The following ADCY7 variants were observed in gnomAD, a reference collection of about 807,000 sequenced individuals.
ADCY7 encodes the protein adenylate cyclase type 7.
A neutral mutation model predicts 120.6 loss-of-function variants in ADCY7; 72 were observed. The observed-to-expected ratio is 0.60, with a 90% CI of 0.49 to 0.73. The LOEUF is 0.73. Ranked by LOEUF, ADCY7 falls within the 30% of genes least tolerant of loss-of-function variation. ADCY7 has a pLI of 0.00. For missense variants in ADCY7, 1,227 were observed against 1,486.0 expected, an observed-to-expected ratio of 0.83 and a Z score of 2.87; for synonymous variants, 661 against 628.0, an observed-to-expected ratio of 1.05 and a Z score of -0.78.
chr16:50,273,496 T>G (rs1035269306), intron 1 of ADCY7, among the ~76,000 whole-genome samples: 2 of 152,232 alleles, frequency 1.3e-5, no homozygotes, highest in Admixed American at 1.3e-4. Flanking sequence ...CTGCACCTGC[T>G]GCAGGCAGGA....
chr16:50,315,661 A>C lies in ADCY7; in HGVS notation c.*156A>C. 1 of 911,884 alleles carries C rather than the reference A, an allele frequency of 1.1e-6. No homozygotes were observed. Among genetic ancestry groups the C allele is most frequent in the Non-Finnish European group, 1.6e-6 (1 of 622,206 alleles). The allele number at this position is 911,884 out of a possible 1,614,324, so 56.5% of individuals were successfully genotyped here. ...CTGCACTGGAGGATTTCTCAGACAC[A>C]TGCACCAGATTCTGGCTCGAAGCAG... On this transcript the variant is annotated 3_prime_UTR_variant, in exon 26 of 26. Coordinates refer to ENST00000673801, the MANE Select transcript of ADCY7 (RefSeq NM_001114.5).
chr16:50,298,176 C>G (rs1002141741), intron 7 of ADCY7, among the ~76,000 whole-genome samples: 4 of 152,074 alleles, frequency 2.6e-5, no homozygotes, highest in Non-Finnish European at 5.9e-5. Flanking sequence ...ACAGCCACTG[C>G]TTGGGTGACC....
At chr16:50,314,540 G>A in intron 24 of ADCY7, 134 bp downstream of exon 24, 1 of 641,360 alleles carries the variant, frequency 1.6e-6, no homozygotes, top group Non-Finnish European at 2.7e-6. Context: ...AAGCTCAGCA[G>A]TTGGACAATT....
chr16:50,291,724 C>T lies in ADCY7; in HGVS notation c.376-12C>T. On this transcript the variant is annotated splice_polypyrimidine_tract_variant and intron_variant, in intron 3 of 25. Transcript: ENST00000673801. ...ATCTTGGGGCACCGGGCTCACCAGG[C>T]TGCATCCACAGGTGCCCTTCTTCCT... 1 of 1,613,950 alleles carries T rather than the reference C, an allele frequency of 6.2e-7. No homozygotes were observed. Among genetic ancestry groups the T allele is most frequent in the Non-Finnish European group, 8.5e-7 (1 of 1,179,970 alleles).
intron 1 of ADCY7, among the ~76,000 whole-genome samples, chr16:50,286,874 G>A (rs779208900): frequency 5.3e-5 from 8 of 152,190 alleles, no homozygotes; most frequent in African/African-American, 7.2e-5. Flanking sequence ...AGAGTGAATC[G>A]AAATGGATCA....
intron 12 of ADCY7, 86 bp downstream of exon 12, chr16:50,305,045 G>T: frequency 6.5e-7 from 1 of 1,529,422 alleles, no homozygotes; most frequent in Non-Finnish European, 9.0e-7. Context: ...CCAGTGGGCA[G>T]CTCCGCAAGG....
intron 11 of ADCY7, among the ~76,000 whole-genome samples, 165 bp downstream of exon 11, chr16:50,304,716 T>C (rs1175459714): frequency 6.6e-6 from 1 of 152,188 alleles, no homozygotes; most frequent in African/African-American, 2.4e-5. Context: ...CAAAGACATT[T>C]GGAGAATACT....
At chr16:50,266,956 C>T (rs940624253) in intron 1 of ADCY7, among the ~76,000 whole-genome samples, 3 of 152,150 alleles carry the variant, frequency 2.0e-5, no homozygotes, top group African/African-American at 7.2e-5. Flanking sequence ...GTACATGTGG[C>T]CCGTTCCATC....
At chr16:50,265,212 T>G (rs140850040), upstream of ADCY7, among the ~76,000 whole-genome samples, 237 of 152,332 alleles carry the variant, frequency 1.6e-3, no homozygotes, top group African/African-American at 5.2e-3. Flanking sequence ...AGTCAGTGGC[T>G]TGTCTTTCCC....
Position 50,292,711 on chromosome 16 carries a change from C to A in ADCY7, c.573C>A (p.Asn191Lys). The A allele has an allele frequency of 6.2e-7, 1 of 1,613,986 alleles. No homozygotes were observed. Among genetic ancestry groups the A allele is most frequent in the South Asian group, 1.1e-5 (1 of 91,078 alleles). ...ACGCAGTCATCTTCCTGTGTGGGAA[C>A]CTGACAGGCGCCTTCCACAAGCACC... ...LANAVIFLCG[N>K]LTGAFHKHQM... The change falls in exon 5 of 26, where the codon AAC (asparagine) becomes AAA (lysine). Residue 191 changes from asparagine (N) to lysine (K), a missense_variant. Transcript: ENST00000673801.
At chr16:50,262,762 C>A (rs1232613193), upstream of ADCY7, among the ~76,000 whole-genome samples, 2 of 152,228 alleles carry the variant, frequency 1.3e-5, no homozygotes, top group Non-Finnish European at 2.9e-5. Flanking sequence ...ATGGGGGTTG[C>A]TGAGAGGGAC....
intron 14 of ADCY7, among the ~76,000 whole-genome samples, chr16:50,306,573 T>TG (rs546289664): frequency 0.045 from 873 of 19,558 alleles, 5 homozygotes; most frequent in Middle Eastern, 0.11. Flanking sequence ...TGGGTGGGAG[T>TG]GGGGGTGGGG....
intron 10 of ADCY7, chr16:50,302,049 C>G (rs888468920): frequency 6.5e-6 from 1 of 152,964 alleles, no homozygotes; most frequent in African/African-American, 2.4e-5. Flanking sequence ...TTCCACCACC[C>G]TCCTAGAATA....
chr16:50,294,627 G>C lies in ADCY7; in HGVS notation c.837-13G>C. On this transcript the variant is annotated splice_polypyrimidine_tract_variant and intron_variant, in intron 6 of 25. Transcript: ENST00000673801. ...TGGCTCTGACACTCCCTCCCACCCT[G>C]CCCCATCCCCAGCATCCTCTATGCG... is the stretch of plus-strand genomic sequence containing the variant. 1.6e-5 allele frequency: 20 copies of C among 1,287,346 alleles called. No homozygotes were observed. Among genetic ancestry groups the C allele is most frequent in the Non-Finnish European group, 2.0e-5 (18 of 891,650 alleles). The allele number at this position is 1,287,346 out of a possible 1,614,324, so 79.7% of individuals were successfully genotyped here.
intron 10 of ADCY7, chr16:50,302,018 C>G (rs1183705466): frequency 6.5e-6 from 1 of 152,778 alleles, no homozygotes; most frequent in African/African-American, 2.4e-5. Context: ...TGGGAAAACC[C>G]CTGCCGGTAC....
chr16:50,294,818 C>A, intron 7 of ADCY7, 67 bp downstream of exon 7: 1 of 1,139,258 alleles, frequency 8.8e-7, no homozygotes, highest in Non-Finnish European at 1.3e-6. Flanking sequence ...CCAGGGGTGT[C>A]CTGTGTTCAG....
intron 2 of ADCY7, chr16:50,289,299 G>A (rs2034791428): frequency 2.3e-6 from 1 of 439,774 alleles, no homozygotes. Flanking sequence ...GCCTCCCAAA[G>A]TGTTGGGATT....
At chr16:50,265,103 C>T (rs2033162975), upstream of ADCY7, among the ~76,000 whole-genome samples, 1 of 152,170 alleles carries the variant, frequency 6.6e-6, no homozygotes, top group Non-Finnish European at 1.5e-5. Flanking sequence ...TCCCAAAGTG[C>T]TGGGATTACA....
In ADCY7 at chr16:50,304,918, C is replaced by G. The variant is rs1231032415; in HGVS notation, c.1561-7C>G. ...ATGACTGTATCCTTTCCTCCCTTCC[C>G]TTTCAGAGCGTTCCCCAGCGCCACC... is the stretch of plus-strand genomic sequence containing the variant. On this transcript the variant is annotated splice_region_variant and splice_polypyrimidine_tract_variant and intron_variant, in intron 11 of 25. Coordinates refer to ENST00000673801, the MANE Select transcript of ADCY7 (RefSeq NM_001114.5). 2.5e-6 allele frequency: 4 copies of G among 1,613,596 alleles called. No individual in the cohort carries two copies. The East Asian group carries it at 8.9e-5, about 36-fold the overall frequency.
Sources: gnomAD v4.1 joint callset for allele counts (sites outside exome capture counted in the v4.1 genomes callset) on GRCh38, gnomAD v4.1.1 for gene constraint, MANE v1.5 for transcripts, NCBI Gene and HGNC (gene_info 2026-07-23, HGNC 2026-07-21) for gene names.